The following FAM20C variants were observed in gnomAD, a reference collection of about 807,000 sequenced individuals.
The protein encoded by FAM20C is FAM20C golgi associated secretory pathway kinase.
Under a neutral mutation model 51.5 loss-of-function variants are expected in FAM20C, and 40 were observed. The ratio of observed to expected loss-of-function variants is 0.78; its 90% CI spans 0.60 to 1.01. FAM20C has a LOEUF of 1.01. Among genes scored for constraint, FAM20C ranks in the 50% least tolerant of loss-of-function variants. The pLI, the probability that FAM20C is intolerant of heterozygous loss-of-function variation, is 0.00. For synonymous variants in FAM20C, 406 were observed against 380.6 expected (o/e 1.07, Z -0.78); for missense variants, 861 against 844.7 (o/e 1.02, Z -0.24).
chr7:226,640 T>A (rs1477756264), intron 3 of FAM20C, among the ~76,000 whole-genome samples: 1 of 152,080 alleles, frequency 6.6e-6, no homozygotes, highest in Non-Finnish European at 1.5e-5. Context: ...TCCACCCCAC[T>A]GCCCACGACA....
intron 4 of FAM20C, among the ~76,000 whole-genome samples, chr7:247,176 G>A (rs1430841055): frequency 1.3e-5 from 2 of 152,228 alleles, no homozygotes; most frequent in Non-Finnish European, 2.9e-5. Flanking sequence ...ACGGTCGCCT[G>A]TCTCCAGAGG....
intron 3 of FAM20C, among the ~76,000 whole-genome samples, chr7:211,855 A>C (rs954919955): frequency 6.6e-6 from 1 of 152,142 alleles, no homozygotes; most frequent in Non-Finnish European, 1.5e-5. Flanking sequence ...TGGCGGGCGG[A>C]GGCAGGGACC....
intron 3 of FAM20C, among the ~76,000 whole-genome samples, chr7:216,574 G>C (rs1035833467): frequency 1.3e-5 from 2 of 151,820 alleles, no homozygotes; most frequent in Non-Finnish European, 1.5e-5. Context: ...AGAGACACCT[G>C]CCCTCCCTGC....
chr7:219,013 T>C (rs1040015143), intron 3 of FAM20C, among the ~76,000 whole-genome samples: 29 of 152,122 alleles, frequency 1.9e-4, no homozygotes, highest in Non-Finnish European at 3.4e-4. Context: ...CAGAACCTGT[T>C]AGTGGCTCAG....
chr7:218,245 G>A (rs1289274194), intron 3 of FAM20C, among the ~76,000 whole-genome samples: 4 of 152,230 alleles, frequency 2.6e-5, no homozygotes, highest in South Asian at 2.1e-4. Flanking sequence ...TGTTCACCAC[G>A]TGGCTGTGGG....
At chr7:216,629 G>GTGAGTGTGTA (rs1402428740) in intron 3 of FAM20C, among the ~76,000 whole-genome samples, 23 of 67,900 alleles carry the variant, frequency 3.4e-4, no homozygotes, top group Admixed American at 3.2e-4. Context: ...ATGAGTGTGT[G>GTGAGTGTGTA]TGAGTGTGTG....
intron 3 of FAM20C, among the ~76,000 whole-genome samples, chr7:237,845 T>TGATGGTGGTGGAGGTGATGATGATAAG (rs1583323562): frequency 0.052 from 40 of 762 alleles, 2 homozygotes; most frequent in Admixed American, 0.097. Context: ...ATAGTGATGA[T>TGATGGTGGTGGAGGTGATGATGATAAG]GNNNNNNNNN....
chr7:241,400 CTT>C (rs1258819785), intron 3 of FAM20C, among the ~76,000 whole-genome samples: 2,375 of 152,312 alleles, frequency 0.016, 62 homozygotes, highest in African/African-American at 0.054. Flanking sequence ...CTTTGAGTCT[CTT>C]TGCAGGGAGG....
Position 257,034 on chromosome 7 carries a change from T to G in FAM20C, c.1393T>G (p.Phe465Val). The G allele has an allele frequency of 3.9e-6, 6 of 1,537,084 alleles. No homozygotes were observed. The highest frequency in any genetic ancestry group is 5.2e-6 in the Non-Finnish European group (6 of 1,146,868). ...GNMDRHHYET[F>V]EKFGNETFII... Reference sequence around the variant, plus strand: ...CATGGACCGTCACCACTACGAGACTTTTGAGAAGTTTGGGAATGAAACGTT... The same window carrying G: ...CATGGACCGTCACCACTACGAGACTGTTGAGAAGTTTGGGAATGAAACGTT... Residue 465 changes from phenylalanine (F) to valine (V), a missense_variant, in exon 8 of 10, where the codon TTT becomes GTT. Physicochemically the swap from Phe to Val is conservative, Grantham distance 50 (BLOSUM62 -1). Around this residue, in one of 3 missense-constraint regions of FAM20C, gnomAD observed 269 missense variants for 283.8 expected, o/e 0.95. Coordinates refer to ENST00000313766, the MANE Select transcript of FAM20C (RefSeq NM_020223.4).
rs371567802 is a variant in FAM20C at position 259,929 on chromosome 7, C to G, written c.1704C>G (p.Ser568Arg). 1 of 1,532,556 alleles carries G rather than the reference C, an allele frequency of 6.5e-7. No individual in the cohort carries two copies. Among genetic ancestry groups the G allele is most frequent in the African/African-American group, 1.4e-5 (1 of 73,112 alleles). 94.9% of individuals were successfully genotyped at this position (1,532,556 alleles called of 1,614,324 possible). ...RDCVERNGLH[S>R]VVDDDLDTEH... The stretch of plus-strand genomic sequence containing the variant: ...GCGTGGAGAGGAACGGGCTCCACAG[C>G]GTGGTGGATGACGACCTGGACACTG... Residue 568 changes from serine (S) to arginine (R), a missense_variant, in exon 10 of 10, where the codon AGC becomes AGG. Transcript: ENST00000313766.
chr7:197,506 T>G (rs1361973479), intron 2 of FAM20C: 1 of 166,874 alleles, frequency 6.0e-6, no homozygotes, highest in African/African-American at 2.4e-5. Flanking sequence ...TATGAGCTTC[T>G]CTCCAGCTCA....
In FAM20C at chr7:193,715, G is replaced by T; in HGVS notation, c.516G>T (p.Val172=). 1 of 1,546,796 alleles carries T rather than the reference G, an allele frequency of 6.5e-7. No individual in the cohort carries two copies. The highest frequency in any genetic ancestry group is 8.7e-7 in the Non-Finnish European group (1 of 1,145,274). ...TGTTCGAGCACCCGCTTTACCGGGT[G>T]GCGGTTCCGCCGCTCACGGAGGAGG... ...ARLFEHPLYR[V]AVPPLTEEDV... Residue 172 remains valine (V), a synonymous_variant, in exon 1 of 10, where the codon GTG becomes GTT. Transcript: ENST00000313766.
Position 193,223 on chromosome 7 carries a change from G to C in FAM20C, c.24G>C (p.Arg8=), listed in dbSNP as rs1303483965. 12 of 1,463,240 alleles carry C rather than the reference G, an allele frequency of 8.2e-6. No individual in the cohort carries two copies. The African/African-American group carries it at 1.6e-4, about 20-fold the overall frequency. The allele number at this position is 1,463,240 out of a possible 1,614,324, so 90.6% of individuals were successfully genotyped here. The change falls in exon 1 of 10, where the codon CGG becomes CGC. Residue 8 remains arginine, a synonymous_variant. Coordinates refer to ENST00000313766, the MANE Select transcript of FAM20C (RefSeq NM_020223.4). ...CCATGAAGATGATGCTGGTGCGCCG[G>C]TTCCGCGTGCTCATCCTGATGGTGT... is the stretch of plus-strand genomic sequence containing the variant. MKMMLVR[R]FRVLILMVFL... is the part of the protein sequence containing the mutation.
intron 2 of FAM20C, among the ~76,000 whole-genome samples, chr7:197,779 G>A (rs1338599855): frequency 6.6e-6 from 1 of 152,206 alleles, no homozygotes; most frequent in Admixed American, 6.5e-5. Flanking sequence ...CTGAAGAGGT[G>A]TGGGAGTTCT....
At chr7:213,820 C>T (rs556702054) in intron 3 of FAM20C, among the ~76,000 whole-genome samples, 24 of 152,054 alleles carry the variant, frequency 1.6e-4, no homozygotes, top group African/African-American at 4.3e-4. Context: ...TCCTCGTCAG[C>T]GTGTGCTGTT....
chr7:228,172 C>G, intron 3 of FAM20C: 1 of 318,324 alleles, frequency 3.1e-6, no homozygotes, highest in South Asian at 2.7e-5. Flanking sequence ...GGGGGAAAGC[C>G]ATCCGCCTGG....
At chr7:227,042 G>A (rs962008058) in intron 3 of FAM20C, among the ~76,000 whole-genome samples, 1 of 152,090 alleles carries the variant, frequency 6.6e-6, no homozygotes, top group East Asian at 1.9e-4. Context: ...CAGGCCGTCC[G>A]ACCCTGGCCG....
intron 8 of FAM20C, among the ~76,000 whole-genome samples, chr7:258,266 A>G (rs146453278): frequency 0.083 from 1,978 of 23,864 alleles, 90 homozygotes; most frequent in African/African-American, 0.18. Context: ...TGCTGGAGAT[A>G]GGCAGGGTGG....
At chr7:236,617 C>T (rs1037706876) in intron 3 of FAM20C, among the ~76,000 whole-genome samples, 8 of 152,228 alleles carry the variant, frequency 5.3e-5, no homozygotes, top group African/African-American at 1.7e-4. Context: ...TCTTTCTGCT[C>T]CCCTCATGGG....
Sources: gnomAD v4.1 joint callset for allele counts (sites outside exome capture counted in the v4.1 genomes callset) on GRCh38, gnomAD v4.1.1 for gene constraint, gnomAD v4.1.1 regional missense constraint, MANE v1.5 for transcripts, NCBI Gene and HGNC (gene_info 2026-07-23, HGNC 2026-07-21) for gene names.